The following SHC4 variants were observed in gnomAD, a reference collection of about 807,000 sequenced individuals.
SHC4 encodes SHC adaptor protein 4.
A neutral mutation model predicts 69.4 loss-of-function variants in SHC4; 41 were observed. The observed-to-expected ratio is 0.59, with a 90% CI of 0.46 to 0.77. The LOEUF (loss-of-function observed/expected upper bound fraction) is 0.77. Ranked by LOEUF, SHC4 falls within the 30% of genes least tolerant of loss-of-function variation. The probability of loss-of-function intolerance (pLI) is 0.00; values close to 1 mark genes in which losing one functional copy is unlikely to be tolerated. For synonymous variants in SHC4, 318 were observed against 299.3 expected (o/e 1.06, Z -0.64); for missense variants, 777 against 783.8 (o/e 0.99, Z 0.10).
Position 48,825,981 on chromosome 15 carries a change from G to C in SHC4, c.1883C>G (p.Ser628Cys), listed in dbSNP as rs766119421. Residue 628 changes from serine (S) to cysteine (C), a missense_variant, in exon 12 of 12, where the codon TCC becomes TGC. Coordinates refer to ENST00000332408, the MANE Select transcript of SHC4 (RefSeq NM_203349.4). Reference sequence around the variant, plus strand: ...GGTGCTTCAATACTGTCATTTGTTGGAATGCAAAAGTGCTGGATTATTATC... The same window carrying C: ...GGTGCTTCAATACTGTCATTTGTTGCAATGCAAAAGTGCTGGATTATTATC... The part of the protein sequence containing the change: ...RKDNNPALLH[S>C]NK The C allele has an allele frequency of 6.2e-7, 1 of 1,613,132 alleles. No individual in the cohort carries two copies. Among genetic ancestry groups the C allele is most frequent in the Non-Finnish European group, 8.5e-7 (1 of 1,179,734 alleles).
Position 48,945,433 on chromosome 15 carries a change from A to C in SHC4, c.585+16998T>G, listed in dbSNP as rs1901258314. 2.6e-5 allele frequency among the ~76,000 whole-genome samples: 4 copies of C among 152,216 alleles called. No individual in the cohort carries two copies. In the South Asian group the frequency reaches 8.3e-4, roughly 32 times the overall value. ...CTTACCCATGAATGTTCATTATAGCACTATTCATAATAGCCCAAAAGTAGA... is the reference window on the plus strand; with the variant it reads ...CTTACCCATGAATGTTCATTATAGCCCTATTCATAATAGCCCAAAAGTAGA... On this transcript the variant is annotated intron_variant, in intron 1 of 11. Coordinates refer to ENST00000332408, the MANE Select transcript of SHC4 (RefSeq NM_203349.4).
chr15:48,914,878 C>T (rs1341952693), intron 2 of SHC4, among the ~76,000 whole-genome samples: 1 of 152,164 alleles, frequency 6.6e-6, no homozygotes, highest in Non-Finnish European at 1.5e-5. Flanking sequence ...TTTCTATCTT[C>T]CCCAACTGAA....
intron 9 of SHC4, among the ~76,000 whole-genome samples, chr15:48,850,386 G>C (rs1407244004): frequency 6.6e-6 from 1 of 151,964 alleles, no homozygotes; most frequent in African/African-American, 2.4e-5. Flanking sequence ...TATTACATTG[G>C]TGTAATTCCA....
chr15:48,951,933 A>G (rs1232664047), intron 1 of SHC4, among the ~76,000 whole-genome samples: 5 of 152,126 alleles, frequency 3.3e-5, no homozygotes, highest in African/African-American at 1.2e-4. Context: ...TGTCTCATTC[A>G]CATAATGTAG....
chr15:48,914,674 T>C (rs937226995), intron 2 of SHC4, among the ~76,000 whole-genome samples: 1 of 152,202 alleles, frequency 6.6e-6, no homozygotes, highest in Non-Finnish European at 1.5e-5. Flanking sequence ...AAGAATAAAA[T>C]GTATACAATA....
At chr15:48,861,889 G>T (rs1460129074) in intron 6 of SHC4, among the ~76,000 whole-genome samples, 1 of 152,202 alleles carries the variant, frequency 6.6e-6, no homozygotes, top group Non-Finnish European at 1.5e-5. Flanking sequence ...AAGGATAACA[G>T]ACACTTCTTT....
At chr15:48,862,382 G>A (rs1253175479) in intron 6 of SHC4, among the ~76,000 whole-genome samples, 1 of 152,102 alleles carries the variant, frequency 6.6e-6, no homozygotes, top group Non-Finnish European at 1.5e-5. Context: ...GAAGCAGGGT[G>A]TATTAATCAC....
chr15:48,865,554 T>C (rs539228371), intron 6 of SHC4, among the ~76,000 whole-genome samples: 5 of 152,294 alleles, frequency 3.3e-5, no homozygotes, highest in African/African-American at 4.8e-5. Context: ...ACTTAAAAGA[T>C]AAGGAAATCA....
intron 10 of SHC4, among the ~76,000 whole-genome samples, chr15:48,842,985 ACATGACCTAATTTGG>A (rs1231849201): frequency 6.6e-6 from 1 of 152,158 alleles, no homozygotes; most frequent in Admixed American, 6.6e-5. Flanking sequence ...TGACCTGTGA[ACATGACCTAATTTGG>A]CAAAAGGGTC....
intron 6 of SHC4, among the ~76,000 whole-genome samples, chr15:48,861,070 T>C (rs146995376): frequency 3.5e-4 from 53 of 152,344 alleles, no homozygotes; most frequent in African/African-American, 1.3e-3. Flanking sequence ...GTCCTGTTCA[T>C]AGGCTGATGC....
chr15:48,905,354 C>G (rs537005585), intron 2 of SHC4, among the ~76,000 whole-genome samples: 108 of 152,178 alleles, frequency 7.1e-4, no homozygotes, highest in Non-Finnish European at 1.3e-3. Flanking sequence ...GAAAAAAGAC[C>G]TTAGGGAAAC....
chr15:48,884,711 A>G (rs981515042), intron 3 of SHC4, among the ~76,000 whole-genome samples: 2 of 152,152 alleles, frequency 1.3e-5, no homozygotes, highest in Non-Finnish European at 2.9e-5. Context: ...CTACAAATCT[A>G]AAAAAAGAAA....
intron 2 of SHC4, among the ~76,000 whole-genome samples, chr15:48,902,878 T>G (rs1375165668): frequency 1.3e-5 from 2 of 152,190 alleles, no homozygotes; most frequent in Non-Finnish European, 2.9e-5. Context: ...CATTCAACTC[T>G]CCATCTCAGA....
At chr15:48,893,282 G>A (rs1810324820) in intron 2 of SHC4, among the ~76,000 whole-genome samples, 1 of 152,158 alleles carries the variant, frequency 6.6e-6, no homozygotes, top group Admixed American at 6.5e-5. Flanking sequence ...GGAATTACAG[G>A]TACTTTGATA....
chr15:48,905,000 C>G (rs1280453740), intron 2 of SHC4, among the ~76,000 whole-genome samples: 1 of 151,908 alleles, frequency 6.6e-6, no homozygotes, highest in African/African-American at 2.4e-5. Context: ...CAAACACTCT[C>G]CTGTTGAGCC....
At chr15:48,836,023 C>CAAAAAAAAAA (rs57343981) in intron 10 of SHC4, among the ~76,000 whole-genome samples, 7 of 60,138 alleles carry the variant, frequency 1.2e-4, no homozygotes, top group Non-Finnish European at 1.2e-4. Context: ...ACAAAAAATC[C>CAAAAAAAAAA]AAAAAAAAAA....
chr15:48,943,287 G>C (rs1362484418), intron 1 of SHC4, among the ~76,000 whole-genome samples: 1 of 152,022 alleles, frequency 6.6e-6, no homozygotes, highest in African/African-American at 2.4e-5. Flanking sequence ...TGTAACCCCT[G>C]TTCTACTCTC....
chr15:48,840,119 G>A (rs1456357374), intron 10 of SHC4, among the ~76,000 whole-genome samples: 1 of 152,164 alleles, frequency 6.6e-6, no homozygotes, highest in Non-Finnish European at 1.5e-5. Flanking sequence ...AGCCACTTTG[G>A]ACCAGAGATG....
At chr15:48,874,806 G>A (rs1899762302) in intron 4 of SHC4, among the ~76,000 whole-genome samples, 1 of 152,226 alleles carries the variant, frequency 6.6e-6, no homozygotes, top group Admixed American at 6.5e-5. Flanking sequence ...AGTGGCAAGT[G>A]AGTTGATGTA....
Sources: gnomAD v4.1 joint callset for allele counts (sites outside exome capture counted in the v4.1 genomes callset) on GRCh38, gnomAD v4.1.1 for gene constraint, MANE v1.5 for transcripts, NCBI Gene and HGNC (gene_info 2026-07-23, HGNC 2026-07-21) for gene names.